Variants in ZFC3H1 observed in about 807,000 individuals in gnomAD.
ZFC3H1 encodes zinc finger C3H1 domain-containing protein.
A neutral mutation model predicts 243.7 loss-of-function variants in ZFC3H1; 71 were observed. That is an observed-to-expected ratio of 0.29 (90% CI 0.24 to 0.36). The LOEUF is 0.36. Ranked by LOEUF, ZFC3H1 falls within the 10% of genes least tolerant of loss-of-function variation. ZFC3H1 has a pLI of 1.00. For synonymous variants in ZFC3H1, 838 were observed against 813.0 expected, an observed-to-expected ratio of 1.03 and a Z score of -0.52; for missense variants, 1,966 against 2,317.1, an observed-to-expected ratio of 0.85 and a Z score of 3.11.
At position 71,611,093 on chromosome 12, in the gene ZFC3H1, T is replaced by C. The variant is rs1347892826; in HGVS notation, c.5734A>G (p.Ile1912Val). Reference sequence around the variant, plus strand: ...CCCTTTAGAACAATCTCAGCAGCAATGGCTCTAAGAGAAAAAAAAAAAAAA... The same window carrying C: ...CCCTTTAGAACAATCTCAGCAGCAACGGCTCTAAGAGAAAAAAAAAAAAAA... Reference protein sequence around the residue: ...PTCLATWKIAIAAEIVLKGQR... With the variant: ...PTCLATWKIAVAAEIVLKGQR... Residue 1912 changes from isoleucine to valine, a missense_variant, in exon 33 of 35, where the codon ATT becomes GTT. By Grantham distance (29) the Ile-to-Val change is conservative. Coordinates refer to ENST00000378743, the MANE Select transcript of ZFC3H1 (RefSeq NM_144982.5). The C allele has an allele frequency of 1.3e-6, 2 of 1,499,264 alleles. No homozygotes were observed. The highest frequency in any genetic ancestry group is 3.1e-5 in the African/African-American group (2 of 65,392). The allele number at this position is 1,499,264 out of a possible 1,614,324, so 92.9% of individuals were successfully genotyped here.
chr12:71,626,256 T>C lies in ZFC3H1; in HGVS notation c.4317+4A>G, dbSNP rs762381239. The C allele has an allele frequency of 6.2e-7, 1 of 1,611,634 alleles. No homozygotes were observed. The highest frequency in any genetic ancestry group is 1.7e-5 in the Admixed American group (1 of 59,880). ...CACACACGTACGTTATCTTTTCTAC[T>C]CACAGTCCAAAAGCTTTGATAATCT... On this transcript the variant is annotated splice_donor_region_variant and intron_variant, in intron 22 of 34. Transcript: ENST00000378743.
intron 3 of ZFC3H1, 79 bp from the exon 4 acceptor site, chr12:71,645,154 T>C (rs1880697406): frequency 2.2e-6 from 3 of 1,386,424 alleles, no homozygotes; most frequent in Non-Finnish European, 1.9e-6. Flanking sequence ...AAATCCTTTA[T>C]GATAAAAATT....
chr12:71,641,860 TA>T (rs1402873799), intron 6 of ZFC3H1, among the ~76,000 whole-genome samples: 4 of 152,228 alleles, frequency 2.6e-5, no homozygotes, highest in African/African-American at 9.6e-5. Flanking sequence ...CTTCACTTTT[TA>T]TTTTTTGAGA....
chr12:71,656,454 C>T, intron 2 of ZFC3H1: 1 of 603,890 alleles, frequency 1.7e-6, no homozygotes, highest in Non-Finnish European at 2.9e-6. Context: ...AAATTAGATG[C>T]TCATCCCAAT....
chr12:71,661,278 C>A (rs965625980), intron 1 of ZFC3H1, among the ~76,000 whole-genome samples: 1 of 151,336 alleles, frequency 6.6e-6, no homozygotes, highest in Non-Finnish European at 1.5e-5. Flanking sequence ...CCAGCCTGGG[C>A]GACAGAGCGA....
chr12:71,630,452 A>G, intron 18 of ZFC3H1, 148 bp downstream of exon 18: 1 of 1,156,790 alleles, frequency 8.6e-7, no homozygotes, highest in Non-Finnish European at 1.2e-6. Context: ...TACCGTAATT[A>G]TACTGGATAC....
rs1261774757 is a variant in ZFC3H1 at position 71,632,992 on chromosome 12, G to T, written c.2711C>A (p.Thr904Lys). Residue 904 changes from threonine (T) to lysine (K), a missense_variant, in exon 14 of 35, where the codon ACA becomes AAA. Thr to Lys is a moderately conservative substitution (Grantham distance 78, BLOSUM62 -1). Coordinates refer to ENST00000378743, the MANE Select transcript of ZFC3H1 (RefSeq NM_144982.5). ...EQIHRVQQRV[T>K]IKKALTLKYG... ...TTTTAGAGTCAAAGCTTTCTTAATT[G>T]TAACACGCTGTTGAACTCTGTGAAT... 1 of 1,612,080 alleles carries T rather than the reference G, an allele frequency of 6.2e-7. No homozygotes were observed. Among genetic ancestry groups the T allele is most frequent in the Admixed American group, 1.7e-5 (1 of 59,572 alleles).
At chr12:71,630,253 G>A (rs1880288998) in intron 18 of ZFC3H1, among the ~76,000 whole-genome samples, 1 of 152,046 alleles carries the variant, frequency 6.6e-6, no homozygotes. Context: ...CAATAGTAAA[G>A]TTTCTATACA....
In ZFC3H1 at chr12:71,663,649, T is replaced by A. The variant is rs201337573; in HGVS notation, c.-39A>T. ...CCTTCCACACAACCTTAGCCCTCCG[T>A]CCGGGGATCCGCCCGACAATTGCCT... On this transcript the variant is annotated 5_prime_UTR_variant, in exon 1 of 35. Transcript: ENST00000378743. The A allele has an allele frequency of 6.3e-7, 1 of 1,575,844 alleles. No homozygotes were observed. Among genetic ancestry groups the A allele is most frequent in the Non-Finnish European group, 8.6e-7 (1 of 1,162,988 alleles).
chr12:71,616,445 T>A (rs1879895969), intron 27 of ZFC3H1, among the ~76,000 whole-genome samples: 1 of 152,178 alleles, frequency 6.6e-6, no homozygotes, highest in Non-Finnish European at 1.5e-5. Context: ...TGTCAAAAGA[T>A]CTATGATCAA....
At chr12:71,638,105 A>G (rs1355176783) in intron 7 of ZFC3H1, among the ~76,000 whole-genome samples, 8 of 152,170 alleles carry the variant, frequency 5.3e-5, no homozygotes, top group Non-Finnish European at 1.0e-4. Context: ...AAAAAGAGAC[A>G]GTCCAAAACA....
At chr12:71,626,469 G>C in intron 21 of ZFC3H1, 23 bp from the exon 22 acceptor site, 1 of 1,555,396 alleles carries the variant, frequency 6.4e-7, no homozygotes, top group African/African-American at 1.4e-5. Flanking sequence ...AAGAAAAGGT[G>C]GAAGTGCTTT....
rs1484796808 is a variant in ZFC3H1, at chr12:71,636,542, A to G, written c.2048T>C (p.Ile683Thr). Residue 683 changes from isoleucine to threonine, a missense_variant, in exon 9 of 35, where the codon ATA becomes ACA. This residue lies in a region of ZFC3H1 where 1,383 missense variants were observed against 1,723.7 expected (regional missense o/e 0.80). Coordinates refer to ENST00000378743, the MANE Select transcript of ZFC3H1 (RefSeq NM_144982.5). ...VSINTVSQPR[I>T]QNPKFHRGPR... is the part of the protein sequence containing the mutation. ...TCCTCTGTGAAACTTTGGATTCTGT[A>G]TCCTAGGCTGAGACACTGTGTTAAT... 6.2e-7 allele frequency: 1 copy of G among 1,612,854 alleles called. No individual in the cohort carries two copies. The highest frequency in any genetic ancestry group is 8.5e-7 in the Non-Finnish European group (1 of 1,179,470).
chr12:71,615,275 C>A lies in ZFC3H1; in HGVS notation c.5186G>T (p.Arg1729Leu). The change falls in exon 28 of 35, where the codon CGT (arginine) becomes CTT (leucine). Residue 1729 changes from arginine to leucine, a missense_variant. Transcript: ENST00000378743. Reference sequence around the variant, plus strand: ...ATCATCAAAATTCCCTTTACATAAACGAGATGGAATGTCAATTGGTCCTGG... The same window carrying A: ...ATCATCAAAATTCCCTTTACATAAAAGAGATGGAATGTCAATTGGTCCTGG... ...NIPGPIDIPS[R>L]LCKGNFDDDM... The A allele has an allele frequency of 6.2e-7, 1 of 1,612,756 alleles. No homozygotes were observed. Among genetic ancestry groups the A allele is most frequent in the South Asian group, 1.1e-5 (1 of 90,808 alleles).
intron 32 of ZFC3H1, 52 bp from the exon 33 acceptor site, chr12:71,611,149 A>T: frequency 6.7e-7 from 1 of 1,491,962 alleles, no homozygotes; most frequent in Non-Finnish European, 8.9e-7. Context: ...AGAAAAATTT[A>T]TATATCTTTG....
At chr12:71,635,340 T>C in intron 10 of ZFC3H1, 103 bp downstream of exon 10, 1 of 1,387,350 alleles carries the variant, frequency 7.2e-7, no homozygotes, top group Non-Finnish European at 9.6e-7. Context: ...CAAATCAATG[T>C]TATTAAAAAT....
Position 71,615,314 on chromosome 12 carries a change from T to C in ZFC3H1, c.5147A>G (p.Tyr1716Cys), listed in dbSNP as rs1458981482. The stretch of plus-strand genomic sequence containing the variant: ...AATTGGTCCTGGAATATTTAAGAGA[T>C]ACCTGAAAAAAAAAATCCAAATATT... Reference protein sequence around the residue: ...EKYNNLDLFRYLLNIPGPIDI... With the variant: ...EKYNNLDLFRCLLNIPGPIDI... The change falls in exon 28 of 35, where the codon TAT becomes TGT. Residue 1716 changes from tyrosine to cysteine, a missense_variant and splice_region_variant. This residue lies in a region of ZFC3H1 where 1,383 missense variants were observed against 1,723.7 expected (regional missense o/e 0.80). Transcript: ENST00000378743. 1.3e-5 allele frequency: 21 copies of C among 1,587,620 alleles called. No homozygotes were observed. Among genetic ancestry groups the C allele is most frequent in the Non-Finnish European group, 1.7e-5 (20 of 1,163,024 alleles).
chr12:71,636,733 T>C, intron 8 of ZFC3H1, 79 bp from the exon 9 acceptor site: 1 of 1,558,646 alleles, frequency 6.4e-7, no homozygotes, highest in Non-Finnish European at 8.7e-7. Flanking sequence ...TTGAGCATGT[T>C]AGAATTATCC....
At chr12:71,616,450 G>A (rs1194302267) in intron 27 of ZFC3H1, among the ~76,000 whole-genome samples, 1 of 152,142 alleles carries the variant, frequency 6.6e-6, no homozygotes, top group African/African-American at 2.4e-5. Context: ...AAAGATCTAT[G>A]ATCAAATAAG....
Sources: allele counts gnomAD v4.1 joint callset (sites outside exome capture counted in the v4.1 genomes callset), GRCh38; gene constraint gnomAD v4.1.1; regional missense constraint gnomAD v4.1.1; transcripts MANE v1.5; gene names NCBI Gene and HGNC (gene_info 2026-07-23, HGNC 2026-07-21).